The following KCNT2 variants were observed in gnomAD, a reference collection of about 807,000 sequenced individuals.
The protein encoded by KCNT2 is potassium channel subfamily T member 2.
In KCNT2, 67 loss-of-function variants were observed where a neutral mutation model predicts 153.8. The observed-to-expected ratio is 0.44, with a 90% CI of 0.36 to 0.53. The LOEUF (loss-of-function observed/expected upper bound fraction) is 0.53, where lower values mean the gene tolerates loss of function less well. Among genes scored for constraint, KCNT2 ranks in the 20% least tolerant of loss-of-function variants. The pLI, the probability that KCNT2 is intolerant of heterozygous loss-of-function variation, is 0.00. For missense variants in KCNT2, 975 were observed against 1,354.8 expected (o/e 0.72, Z 4.40); for synonymous variants, 500 against 458.8 (o/e 1.09, Z -1.15).
chr1:196,294,998 TA>T (rs979462434), intron 22 of KCNT2, among the ~76,000 whole-genome samples: 3 of 151,704 alleles, frequency 2.0e-5, no homozygotes, highest in African/African-American at 4.8e-5. Flanking sequence ...CTAACTTCAA[TA>T]AATAATAATG....
chr1:196,381,229 T>C (rs914723728), intron 13 of KCNT2, among the ~76,000 whole-genome samples: 1 of 152,088 alleles, frequency 6.6e-6, no homozygotes. Context: ...GGGCTCAAAT[T>C]TCCTCTACCC....
At chr1:196,470,532 T>C (rs1012374785) in intron 5 of KCNT2, among the ~76,000 whole-genome samples, 1 of 152,138 alleles carries the variant, frequency 6.6e-6, no homozygotes, top group South Asian at 2.1e-4. Context: ...AGCCCTAGTC[T>C]GTAGCCTGAC....
intron 3 of KCNT2, among the ~76,000 whole-genome samples, chr1:196,487,034 T>C (rs1447762971): frequency 3.3e-5 from 5 of 151,940 alleles, no homozygotes; most frequent in African/African-American, 4.8e-5. Flanking sequence ...TAACTAACTC[T>C]TTGAAAGAAT....
chr1:196,407,461 A>G (rs540825617), intron 12 of KCNT2, among the ~76,000 whole-genome samples: 1 of 151,446 alleles, frequency 6.6e-6, no homozygotes, highest in African/African-American at 2.4e-5. Context: ...GGTAAGAAAA[A>G]TATTTTTGAA....
chr1:196,334,121 A>C (rs2148118510), intron 16 of KCNT2, 61 bp from the exon 17 acceptor site: 1 of 975,738 alleles, frequency 1.0e-6, no homozygotes, highest in South Asian at 1.4e-5. Flanking sequence ...CTAGTGTTGA[A>C]GGTTACATGA....
rs899546273 is a variant in KCNT2, at chr1:196,518,018, G to A, written c.96-25677C>T. Reference sequence around the variant, plus strand: ...AATATTAAAGGCAGCTAGAGAGAAAGGGCAGGTCACATACATAGGAAACCC... The same window carrying A: ...AATATTAAAGGCAGCTAGAGAGAAAAGGCAGGTCACATACATAGGAAACCC... On this transcript the variant is annotated intron_variant, in intron 1 of 27. Coordinates refer to ENST00000294725, the MANE Select transcript of KCNT2 (RefSeq NM_198503.5). Among the ~76,000 whole-genome samples the A allele has an allele frequency of 1.1e-4, 17 of 152,206 alleles. No individual in the cohort carries two copies. In the East Asian group the frequency reaches 1.7e-3, roughly 16 times the overall value.
chr1:196,467,453 TA>T (rs1029742103), intron 7 of KCNT2, among the ~76,000 whole-genome samples: 1 of 151,950 alleles, frequency 6.6e-6, no homozygotes, highest in Non-Finnish European at 1.5e-5. Context: ...AATGACTCAT[TA>T]AAAAAACATT....
intron 14 of KCNT2, among the ~76,000 whole-genome samples, chr1:196,348,551 A>G (rs186151454): frequency 6.6e-6 from 1 of 152,284 alleles, no homozygotes; most frequent in Admixed American, 6.5e-5. Context: ...GTCATTGAAT[A>G]GTAAAGAATC....
intron 21 of KCNT2, among the ~76,000 whole-genome samples, chr1:196,307,257 GT>G (rs1230630126): frequency 6.6e-6 from 1 of 151,952 alleles, no homozygotes; most frequent in Non-Finnish European, 1.5e-5. Flanking sequence ...TATTTTCTTA[GT>G]TTTTAAAATT....
intron 14 of KCNT2, among the ~76,000 whole-genome samples, chr1:196,343,910 G>T (rs1396189519): frequency 6.6e-6 from 1 of 152,132 alleles, no homozygotes; most frequent in Non-Finnish European, 1.5e-5. Context: ...TTCCCGAGTA[G>T]CTGGGATTAC....
chr1:196,257,797 T>C (rs779999335), intron 26 of KCNT2: 103 of 984,576 alleles, frequency 1.0e-4, no homozygotes, highest in Non-Finnish European at 1.2e-4. Flanking sequence ...GGTTTACCTG[T>C]GGCCAATACA....
At chr1:196,340,070 C>T (rs1012973278) in intron 16 of KCNT2, among the ~76,000 whole-genome samples, 6 of 151,872 alleles carry the variant, frequency 4.0e-5, no homozygotes, top group Non-Finnish European at 8.8e-5. Context: ...AGGCTGTTCT[C>T]AAACTCCTGG....
chr1:196,602,829 G>T (rs1007530453), intron 1 of KCNT2, among the ~76,000 whole-genome samples: 1 of 122,162 alleles, frequency 8.2e-6, no homozygotes, highest in Non-Finnish European at 1.6e-5. Context: ...GCCCAGGCCG[G>T]ACTGCGGACT....
rs145467919 is a variant in KCNT2 at position 196,518,842 on chromosome 1, G to A, written c.96-26501C>T. 7.0e-3 allele frequency among the ~76,000 whole-genome samples: 1,065 copies of A among 152,114 alleles called. 7 individuals are homozygous for A. The highest frequency in any genetic ancestry group is 0.021 in the African/African-American group (858 of 41,490). ...ACTTAGACTTCCACAAAATAATAGC[G>A]GGAGACATCAACACTCCAATGACAG... On this transcript the variant is annotated intron_variant, in intron 1 of 27. Transcript: ENST00000294725.
intron 8 of KCNT2, among the ~76,000 whole-genome samples, chr1:196,447,386 C>T (rs1172493743): frequency 1.3e-5 from 2 of 151,530 alleles, no homozygotes; most frequent in Non-Finnish European, 1.5e-5. Flanking sequence ...TACAAGGAAT[C>T]AGAAACATTT....
intron 14 of KCNT2, among the ~76,000 whole-genome samples, chr1:196,363,695 C>T (rs1667812138): frequency 6.6e-6 from 1 of 152,130 alleles, no homozygotes; most frequent in South Asian, 2.1e-4. Flanking sequence ...CATGGGATGA[C>T]ACAGCAAGAA....
chr1:196,568,780 CTT>C (rs10566305), intron 1 of KCNT2, among the ~76,000 whole-genome samples: 19,862 of 144,868 alleles, frequency 0.14, 3,816 homozygotes, highest in African/African-American at 0.43. Flanking sequence ...TAATAATGAG[CTT>C]TTTTTTTTTT....
intron 8 of KCNT2, among the ~76,000 whole-genome samples, chr1:196,435,135 G>GTGTATATATATATATATA (rs747899287): frequency 3.9e-5 from 3 of 76,872 alleles, no homozygotes; most frequent in Non-Finnish European, 7.7e-5. Flanking sequence ...GTGTGTGTGT[G>GTGTATATATATATATATA]TATGTATATA....
intron 1 of KCNT2, among the ~76,000 whole-genome samples, chr1:196,507,309 G>A (rs1405346480): frequency 6.6e-6 from 1 of 152,274 alleles, no homozygotes; most frequent in East Asian, 1.9e-4. Flanking sequence ...GAACTTGAAA[G>A]TAGATGAAGG....
Sources: allele counts gnomAD v4.1 joint callset (sites outside exome capture counted in the v4.1 genomes callset), GRCh38; gene constraint gnomAD v4.1.1; transcripts MANE v1.5; gene names NCBI Gene and HGNC (gene_info 2026-07-23, HGNC 2026-07-21).